ABRAXAS1: variants seen among roughly 807,000 people sequenced by gnomAD.
The protein encoded by ABRAXAS1 is abraxas 1, BRCA1 A complex subunit, also known as BRCA1-A complex subunit Abraxas 1.
ABRAXAS1 carries 26 observed loss-of-function variants against 38.4 expected under a neutral mutation model. The observed-to-expected ratio is 0.68, with a 90% CI of 0.50 to 0.94. The LOEUF (loss-of-function observed/expected upper bound fraction) is 0.94, where lower values mean the gene tolerates loss of function less well. ABRAXAS1 is among the 40% of genes least tolerant of loss of function. ABRAXAS1 has a pLI of 0.00. For synonymous variants in ABRAXAS1, 144 were observed against 165.5 expected (o/e 0.87, Z 1.00); for missense variants, 438 against 481.9 (o/e 0.91, Z 0.85).
At position 83,482,353 on chromosome 4, in the gene ABRAXAS1, C is replaced by T. The variant is rs570457015; in HGVS notation, c.88-109G>A. 1.4e-4 allele frequency: 78 copies of T among 566,370 alleles called. No homozygotes were observed. In the African/African-American group the frequency reaches 1.4e-3, roughly 10 times the overall value. 35.1% of individuals were successfully genotyped at this position (566,370 alleles called of 1,614,324 possible). On this transcript the variant is annotated intron_variant, in intron 1 of 8. Transcript: ENST00000321945. ...TATGTATACAATATGTGCTACCAGT[C>T]GGGGGCACATATGAAAGATCTGAGA...
chr4:83,475,571 G>A (rs1296458212), intron 3 of ABRAXAS1, among the ~76,000 whole-genome samples: 3 of 152,008 alleles, frequency 2.0e-5, no homozygotes, highest in Non-Finnish European at 4.4e-5. Context: ...AGCCTCCCCA[G>A]TAGCTGAGAC....
At chr4:83,479,960 C>CAA (rs34519573) in intron 2 of ABRAXAS1, 3,341 of 139,722 alleles carry the variant, frequency 0.024, 120 homozygotes, top group African/African-American at 0.081. Flanking sequence ...GACCTCATCT[C>CAA]AAAAAAAAAA....
Position 83,467,243 on chromosome 4 carries a change from G to A in ABRAXAS1, c.681+211C>T, listed in dbSNP as rs1334809171. 2.7e-5 allele frequency: 11 copies of A among 407,086 alleles called. No individual in the cohort carries two copies. In the East Asian group the frequency reaches 5.2e-4, roughly 19 times the overall value. 25.2% of individuals were successfully genotyped at this position (407,086 alleles called of 1,614,324 possible). On this transcript the variant is annotated intron_variant, in intron 7 of 8. Transcript: ENST00000321945. ...TGGTTTTCCCTATGAAAACTAAAAA[G>A]TAAAAATACATATAGGTTTGTGTAA...
At position 83,462,852 on chromosome 4, in the gene ABRAXAS1, C is replaced by G; in HGVS notation, c.847G>C (p.Ala283Pro). The change falls in exon 9 of 9, where the codon GCA becomes CCA. Residue 283 changes from alanine (A) to proline (P), a missense_variant. Transcript: ENST00000321945. ...GAATTTGGAAAAAAGGTCCGTAATG[C>G]CTGACAAAGAAAAATGTTCTCCTGA... ...DPQENIFLCQ[A>P]LRTFFPNSEF... 1 of 1,604,028 alleles carries G rather than the reference C, an allele frequency of 6.2e-7. No homozygotes were observed. The highest frequency in any genetic ancestry group is 1.3e-5 in the African/African-American group (1 of 74,402).
At chr4:83,476,174 C>T (rs561072322) in intron 3 of ABRAXAS1, among the ~76,000 whole-genome samples, 2 of 152,238 alleles carry the variant, frequency 1.3e-5, no homozygotes, top group African/African-American at 4.8e-5. Flanking sequence ...TGCACTCCAG[C>T]CTGAGTGACA....
Position 83,470,214 on chromosome 4 carries a change from T to TACA in ABRAXAS1, c.464_465insTGT (p.Lys155delinsAsnVal). The TACA allele has an allele frequency of 6.2e-7, 1 of 1,610,880 alleles. No homozygotes were observed. Among genetic ancestry groups the TACA allele is most frequent in the Non-Finnish European group, 8.5e-7 (1 of 1,178,366 alleles). On this transcript the variant is annotated protein_altering_variant, in exon 5 of 9. Coordinates refer to ENST00000321945, the MANE Select transcript of ABRAXAS1 (RefSeq NM_139076.3). ...TGGCCAACATTTACCCTTTTTGAGG[T>TACA]TTATATAAGGAATGTTCCAGTCGAT... is the stretch of plus-strand genomic sequence containing the variant.
intron 4 of ABRAXAS1, 128 bp from the exon 5 acceptor site, chr4:83,470,524 A>G (rs1722541366): frequency 1.6e-6 from 1 of 613,092 alleles, no homozygotes; most frequent in African/African-American, 1.9e-5. Flanking sequence ...GGGCATATAT[A>G]AACAAAGAAT....
At position 83,459,844 on chromosome 4, in the gene ABRAXAS1, A is replaced by G; in HGVS notation, c.*2625T>C. 1.4e-6 allele frequency: 2 copies of G among 1,457,344 alleles called. 1 individual carries two copies. Among genetic ancestry groups the G allele is most frequent in the Non-Finnish European group, 1.9e-6 (2 of 1,056,170 alleles). 90.3% of individuals were successfully genotyped at this position (1,457,344 alleles called of 1,614,324 possible). A position where few individuals can be genotyped will look rare whatever the true frequency, so the allele number is the denominator to read the frequency against. On this transcript the variant is annotated 3_prime_UTR_variant, in exon 9 of 9. Transcript: ENST00000321945. ...GAATATAAATGTAGATACGAATTAT[A>G]TCAATCTATTTCTATCATTTAAGAA...
chr4:83,485,030 G>A lies in ABRAXAS1; in HGVS notation c.43C>T (p.Leu15Phe), dbSNP rs1333194633. The A allele has an allele frequency of 1.3e-6, 2 of 1,596,658 alleles. No individual in the cohort carries two copies. The highest frequency in any genetic ancestry group is 1.1e-5 in the South Asian group (1 of 89,206). ...STSAVLSGFV[L>F]GALAFQHLNT... is the part of the protein sequence containing the mutation. ...AGGTGCTGGAAAGCGAGTGCGCCGAGCACAAAGCCCGAGAGCACCGCCGAC... is the reference window on the plus strand; with the variant it reads ...AGGTGCTGGAAAGCGAGTGCGCCGAACACAAAGCCCGAGAGCACCGCCGAC... The change falls in exon 1 of 9, where the codon CTC becomes TTC. Residue 15 changes from leucine (L) to phenylalanine (F), a missense_variant. Transcript: ENST00000321945.
At chr4:83,477,792 C>T in intron 2 of ABRAXAS1, 1 of 761,562 alleles carries the variant, frequency 1.3e-6, no homozygotes, top group Non-Finnish European at 2.3e-6. Flanking sequence ...CAAAGACAAG[C>T]ATCATATGGC....
intron 7 of ABRAXAS1, among the ~76,000 whole-genome samples, chr4:83,465,266 CTCCAG>C (rs1184686322): frequency 7.4e-6 from 1 of 134,390 alleles, no homozygotes; most frequent in Admixed American, 8.6e-5. Flanking sequence ...ATTCATTGCA[CTCCAG>C]TCCAGGCGAC....
At chr4:83,474,809 AG>A (rs1722709206) in intron 3 of ABRAXAS1, among the ~76,000 whole-genome samples, 1 of 152,150 alleles carries the variant, frequency 6.6e-6, no homozygotes, top group Admixed American at 6.6e-5. Flanking sequence ...TAATTAGAGC[AG>A]GAAGAGGAAG....
At chr4:83,478,154 T>G (rs1336088398) in intron 2 of ABRAXAS1, 1 of 753,440 alleles carries the variant, frequency 1.3e-6, no homozygotes, top group African/African-American at 1.7e-5. Flanking sequence ...AGACACAACT[T>G]TAACTCACTT....
intron 3 of ABRAXAS1, 108 bp from the exon 4 acceptor site, chr4:83,472,396 C>T: frequency 3.8e-6 from 2 of 521,428 alleles, no homozygotes; most frequent in Non-Finnish European, 6.5e-6. Flanking sequence ...AGCCCATATA[C>T]CTATTTGCCT....
chr4:83,473,811 C>T (rs972123209), intron 3 of ABRAXAS1, among the ~76,000 whole-genome samples: 9 of 151,522 alleles, frequency 5.9e-5, no homozygotes, highest in Admixed American at 2.0e-4. Flanking sequence ...CACCATGACC[C>T]ACCTGCATAA....
chr4:83,463,673 T>C, intron 7 of ABRAXAS1, 65 bp from the exon 8 acceptor site: 2 of 817,510 alleles, frequency 2.4e-6, no homozygotes, highest in Non-Finnish European at 3.7e-6. Context: ...ACAGTCTAGA[T>C]TCACAAATAA....
chr4:83,479,631 A>C (rs1261585115), intron 2 of ABRAXAS1: 1 of 152,186 alleles, frequency 6.6e-6, no homozygotes, highest in Non-Finnish European at 1.5e-5. Context: ...ATGGTTAAAA[A>C]AATTATGGTA....
chr4:83,460,541 T>G lies in ABRAXAS1; in HGVS notation c.*1928A>C, dbSNP rs530721748. The G allele has an allele frequency of 5.1e-6, 1 of 197,188 alleles. No individual in the cohort carries two copies. Among genetic ancestry groups the G allele is most frequent in the Admixed American group, 5.5e-5 (1 of 18,130 alleles). The allele number at this position is 197,188 out of a possible 1,614,324, so 12.2% of individuals were successfully genotyped here. The stretch of plus-strand genomic sequence containing the variant: ...AGAGTTGAGTGGCAGTGATGGAGAC[T>G]GTATGGCCCACAAAACCTAGATTAT... On this transcript the variant is annotated 3_prime_UTR_variant, in exon 9 of 9. Coordinates refer to ENST00000321945, the MANE Select transcript of ABRAXAS1 (RefSeq NM_139076.3).
chr4:83,470,757 TC>T (rs1722550945), intron 4 of ABRAXAS1, among the ~76,000 whole-genome samples: 1 of 152,184 alleles, frequency 6.6e-6, no homozygotes, highest in African/African-American at 2.4e-5. Flanking sequence ...AGGCAATCCC[TC>T]CCTGAAAATA....
Sources: gnomAD v4.1 joint callset for allele counts (sites outside exome capture counted in the v4.1 genomes callset) on GRCh38, gnomAD v4.1.1 for gene constraint, MANE v1.5 for transcripts, NCBI Gene and HGNC (gene_info 2026-07-23, HGNC 2026-07-21) for gene names.